The following KCNIP4 variants were observed in gnomAD, a reference collection of about 807,000 sequenced individuals.
KCNIP4 encodes the protein Kv channel-interacting protein 4.
Under a neutral mutation model 34.0 loss-of-function variants are expected in KCNIP4, and 12 were observed. That is an observed-to-expected ratio of 0.35 (90% CI 0.23 to 0.57). The LOEUF (loss-of-function observed/expected upper bound fraction) is 0.57, where lower values mean the gene tolerates loss of function less well. Among genes scored for constraint, KCNIP4 ranks in the 20% least tolerant of loss-of-function variants. KCNIP4 has a pLI of 0.83. For missense variants in KCNIP4, 238 were observed against 311.7 expected (o/e 0.76, Z 1.78); for synonymous variants, 124 against 102.2 (o/e 1.21, Z -1.29).
chr4:20,999,354 G>T (rs1373499618), intron 1 of KCNIP4, among the ~76,000 whole-genome samples: 1 of 150,796 alleles, frequency 6.6e-6, no homozygotes, highest in Non-Finnish European at 1.5e-5. Flanking sequence ...AACGTAAACA[G>T]GACACAGATC....
intron 1 of KCNIP4, among the ~76,000 whole-genome samples, chr4:21,465,217 T>G (rs1729813938): frequency 6.6e-6 from 1 of 152,044 alleles, no homozygotes; most frequent in African/African-American, 2.4e-5. Flanking sequence ...GCCCTAAGAG[T>G]ACTTATAGTA....
intron 1 of KCNIP4, among the ~76,000 whole-genome samples, chr4:21,269,432 G>T (rs1045556111): frequency 2.6e-5 from 4 of 152,020 alleles, no homozygotes; most frequent in Non-Finnish European, 5.9e-5. Context: ...GGGGGACAGG[G>T]TCTCAGTCCA....
At chr4:21,744,369 T>G (rs1042549704) in intron 1 of KCNIP4, among the ~76,000 whole-genome samples, 3 of 152,186 alleles carry the variant, frequency 2.0e-5, no homozygotes, top group Non-Finnish European at 4.4e-5. Context: ...TCCCTGGAAT[T>G]CCACTGGACA....
intron 1 of KCNIP4, among the ~76,000 whole-genome samples, chr4:21,089,667 G>C (rs73802460): frequency 6.6e-6 from 1 of 152,150 alleles, no homozygotes; most frequent in African/African-American, 2.4e-5. Context: ...AACAAATCTT[G>C]TTTGCTCACT....
At chr4:21,281,302 G>T (rs1762761816) in intron 1 of KCNIP4, among the ~76,000 whole-genome samples, 1 of 151,860 alleles carries the variant, frequency 6.6e-6, no homozygotes, top group Non-Finnish European at 1.5e-5. Flanking sequence ...TAGCCAGGTT[G>T]GCCTTGAACT....
At chr4:21,126,573 A>G (rs1750627117) in intron 1 of KCNIP4, among the ~76,000 whole-genome samples, 1 of 151,120 alleles carries the variant, frequency 6.6e-6, no homozygotes, top group South Asian at 2.1e-4. Flanking sequence ...CTTTTTGACA[A>G]TGAATATTTA....
At chr4:21,669,738 T>G (rs1179968257) in intron 1 of KCNIP4, among the ~76,000 whole-genome samples, 1 of 152,228 alleles carries the variant, frequency 6.6e-6, no homozygotes, top group Admixed American at 6.5e-5. Flanking sequence ...TACCATTTTC[T>G]TTTTACTCCA....
chr4:21,382,929 T>C (rs1560350590), intron 1 of KCNIP4, among the ~76,000 whole-genome samples: 2 of 152,160 alleles, frequency 1.3e-5, no homozygotes, highest in African/African-American at 4.8e-5. Flanking sequence ...AATTCATATG[T>C]TGAAGTCCTA....
chr4:21,039,376 GAAA>G (rs34620206), intron 1 of KCNIP4, among the ~76,000 whole-genome samples: 1 of 121,094 alleles, frequency 8.3e-6, no homozygotes. Flanking sequence ...TCTCAAAAAA[GAAA>G]AAAAAAAAAA....
At chr4:21,149,267 A>C (rs1463864085) in intron 1 of KCNIP4, among the ~76,000 whole-genome samples, 1 of 152,212 alleles carries the variant, frequency 6.6e-6, no homozygotes, top group South Asian at 2.1e-4. Flanking sequence ...GTTTGTTAAA[A>C]TACTCCTATG....
intron 1 of KCNIP4, among the ~76,000 whole-genome samples, chr4:21,099,824 C>CA (rs1400634678): frequency 6.6e-6 from 1 of 151,958 alleles, no homozygotes; most frequent in African/African-American, 2.4e-5. Context: ...ATGTTGATTC[C>CA]AACCCTTGTG....
At chr4:21,538,174 G>A (rs1737367575) in intron 1 of KCNIP4, among the ~76,000 whole-genome samples, 1 of 152,064 alleles carries the variant, frequency 6.6e-6, no homozygotes, top group Non-Finnish European at 1.5e-5. Flanking sequence ...AGCTAGAAGA[G>A]ATAAGAAAGG....
intron 1 of KCNIP4, among the ~76,000 whole-genome samples, chr4:21,768,935 AT>A (rs963230013): frequency 2.4e-4 from 36 of 151,912 alleles, no homozygotes; most frequent in African/African-American, 8.5e-4. Context: ...AACATTTGGA[AT>A]TTTTTTCAAT....
intron 1 of KCNIP4, among the ~76,000 whole-genome samples, chr4:21,899,073 A>G (rs10028678): frequency 0.31 from 47,810 of 152,052 alleles, 7,887 homozygotes; most frequent in African/African-American, 0.42. Flanking sequence ...ATAGAACACT[A>G]AGTAAATTTC....
intron 1 of KCNIP4, among the ~76,000 whole-genome samples, chr4:21,460,529 T>G (rs1379000126): frequency 6.6e-6 from 1 of 152,188 alleles, no homozygotes; most frequent in Admixed American, 6.5e-5. Flanking sequence ...CAGTTCACCC[T>G]TATGGGCTCT....
intron 1 of KCNIP4, among the ~76,000 whole-genome samples, chr4:21,785,835 T>G (rs549636101): frequency 6.6e-6 from 1 of 152,232 alleles, no homozygotes; most frequent in Non-Finnish European, 1.5e-5. Flanking sequence ...TGTCACATTT[T>G]ATTTATCCAT....
chr4:21,670,294 C>T (rs1289820042), intron 1 of KCNIP4, among the ~76,000 whole-genome samples: 1 of 151,680 alleles, frequency 6.6e-6, no homozygotes, highest in East Asian at 1.9e-4. Context: ...AATTGGAAAT[C>T]ATCATTCTCA....
At chr4:20,934,183 T>G (rs1730794597) in intron 1 of KCNIP4, among the ~76,000 whole-genome samples, 1 of 152,210 alleles carries the variant, frequency 6.6e-6, no homozygotes, top group African/African-American at 2.4e-5. Context: ...CTTGGATTTC[T>G]TGTCCTCCAA....
chr4:21,574,936 A>G (rs1244475882), intron 1 of KCNIP4, among the ~76,000 whole-genome samples: 2 of 152,122 alleles, frequency 1.3e-5, no homozygotes, highest in Admixed American at 6.6e-5. Context: ...TTTTATACCA[A>G]TTCACTCTCA....
Sources: allele counts gnomAD v4.1 joint callset (sites outside exome capture counted in the v4.1 genomes callset), GRCh38; gene constraint gnomAD v4.1.1; transcripts MANE v1.5; gene names NCBI Gene and HGNC (gene_info 2026-07-23, HGNC 2026-07-21).